Variants in HEBP1 observed in about 807,000 individuals in gnomAD.
HEBP1 encodes heme-binding protein 1.
HEBP1 carries 13 observed loss-of-function variants against 20.4 expected under a neutral mutation model. That is an observed-to-expected ratio of 0.64 (90% CI 0.42 to 1.01). HEBP1 has a LOEUF of 1.01. Ranked by LOEUF, HEBP1 falls within the 50% of genes least tolerant of loss-of-function variation. The pLI is 0.00. For missense variants in HEBP1, 241 were observed against 247.3 expected (o/e 0.97, Z 0.17); for synonymous variants, 92 against 90.7 (o/e 1.01, Z -0.08).
Position 12,986,057 on chromosome 12 carries a change from T to G in HEBP1, c.398+1095A>C, listed in dbSNP as rs1409523765. ...CCTTAAATGCTGCACCCAAGGTGCA[T>G]CTCCACCCTAGGAAAAGATATTGTT... is the stretch of plus-strand genomic sequence containing the variant. On this transcript the variant is annotated intron_variant, in intron 3 of 3. Coordinates refer to ENST00000014930, the MANE Select transcript of HEBP1 (RefSeq NM_015987.5). This position sits in a 1 kb window ranked among gnomAD's most constrained non-coding sequence, Gnocchi z 4.3. 1 of 152,152 alleles carries G rather than the reference T, an allele frequency of 6.6e-6. No individual in the cohort carries two copies. The allele number at this position is 152,152 out of a possible 1,614,324, so 9.4% of individuals were successfully genotyped here.
At chr12:12,979,366 A>G (rs1864044565) in intron 3 of HEBP1, 1 of 152,548 alleles carries the variant, frequency 6.6e-6, no homozygotes, top group African/African-American at 2.4e-5. Context: ...TGGGTGGGCT[A>G]TGGGAACAGA....
intron 3 of HEBP1, among the ~76,000 whole-genome samples, chr12:12,981,318 T>C (rs574116581): frequency 1.0e-3 from 159 of 152,270 alleles, no homozygotes; most frequent in Admixed American, 2.9e-3. Context: ...TGATGCCTCC[T>C]GGGAGCTGGA....
At chr12:12,982,608 G>C (rs910268190) in intron 3 of HEBP1, among the ~76,000 whole-genome samples, 16 of 152,202 alleles carry the variant, frequency 1.1e-4, no homozygotes, top group African/African-American at 3.6e-4. Flanking sequence ...CAGCAACCTA[G>C]GTGCTGACAG....
chr12:12,994,536 C>T (rs1864268423), intron 1 of HEBP1, among the ~76,000 whole-genome samples: 1 of 152,160 alleles, frequency 6.6e-6, no homozygotes, highest in South Asian at 2.1e-4. Context: ...GCACAAAGTC[C>T]ACAGCAAGGA....
At chr12:12,983,989 G>A in intron 3 of HEBP1, 2 of 284,936 alleles carry the variant, frequency 7.0e-6, no homozygotes, top group Non-Finnish European at 1.4e-5. Context: ...CCAACAGTGG[G>A]GCAATTAGAG....
chr12:12,990,322 C>A (rs752325789), intron 1 of HEBP1, among the ~76,000 whole-genome samples: 1 of 149,628 alleles, frequency 6.7e-6, no homozygotes, highest in East Asian at 2.0e-4. Flanking sequence ...GTGCATACCA[C>A]CATGCCCTGC....
At chr12:12,991,775 G>C (rs1402613877) in intron 1 of HEBP1, among the ~76,000 whole-genome samples, 1 of 150,932 alleles carries the variant, frequency 6.6e-6, no homozygotes, top group Non-Finnish European at 1.5e-5. Flanking sequence ...CTTTTTTTTT[G>C]TTCCTTCCCC....
In HEBP1 at chr12:12,985,192, T is replaced by C. The variant is rs530528914; in HGVS notation, c.398+1960A>G. ...GGGGAAATCTGAGCATTGAATATTTTATATTATAAATTAATGAAGTACTAT... is the reference window on the plus strand; with the variant it reads ...GGGGAAATCTGAGCATTGAATATTTCATATTATAAATTAATGAAGTACTAT... On this transcript the variant is annotated intron_variant, in intron 3 of 3. Coordinates refer to ENST00000014930, the MANE Select transcript of HEBP1 (RefSeq NM_015987.5). Among the ~76,000 whole-genome samples the C allele has an allele frequency of 2.2e-4, 33 of 152,258 alleles. No individual in the cohort carries two copies. The East Asian group carries it at 6.0e-3, about 28-fold the overall frequency.
At chr12:12,995,682 A>G (rs544318414) in intron 1 of HEBP1, among the ~76,000 whole-genome samples, 5 of 152,358 alleles carry the variant, frequency 3.3e-5, no homozygotes, top group Admixed American at 2.0e-4. Context: ...AGGGAGCTCT[A>G]TTTAAATGTA....
Position 12,986,932 on chromosome 12 carries a change from A to C in HEBP1, c.398+220T>G. ...AAGCAAAGCTTAAGCTCGTCCCATC[A>C]ATTTGGCAACTGGCCAAGGCATTTA... On this transcript the variant is annotated intron_variant, in intron 3 of 3. Transcript: ENST00000014930. The surrounding 1 kb of genome is among the most constrained non-coding windows in gnomAD (Gnocchi z 4.3). 1 of 523,458 alleles carries C rather than the reference A, an allele frequency of 1.9e-6. No homozygotes were observed. Among genetic ancestry groups the C allele is most frequent in the Non-Finnish European group, 3.4e-6 (1 of 294,178 alleles). The allele number at this position is 523,458 out of a possible 1,614,324, so 32.4% of individuals were successfully genotyped here. A position where few individuals can be genotyped will look rare whatever the true frequency, so the allele number is the denominator to read the frequency against.
chr12:12,987,253 T>G lies in HEBP1; in HGVS notation c.297A>C (p.Lys99Asn). ...NEDGSLQKKLKVWFRIPNQFQ... is the reference protein window; with the variant it reads ...NEDGSLQKKLNVWFRIPNQFQ... ...ATTGGTTTGGAATCCGGAACCAGAC[T>G]TTTAATTTCTTCTGCAGAGAGCCAT... Residue 99 changes from lysine to asparagine, a missense_variant, in exon 3 of 4, where the codon AAA becomes AAC. Coordinates refer to ENST00000014930, the MANE Select transcript of HEBP1 (RefSeq NM_015987.5). 1 of 1,614,104 alleles carries G rather than the reference T, an allele frequency of 6.2e-7. No individual in the cohort carries two copies. The highest frequency in any genetic ancestry group is 8.5e-7 in the Non-Finnish European group (1 of 1,179,990).
chr12:12,990,130 ACACACACAC>A (rs1175216508), intron 1 of HEBP1, among the ~76,000 whole-genome samples: 1 of 140,348 alleles, frequency 7.1e-6, no homozygotes, highest in African/African-American at 3.2e-5. Flanking sequence ...ACACACACAC[ACACACACAC>A]ACACACACAC....
intron 1 of HEBP1, among the ~76,000 whole-genome samples, chr12:12,993,150 C>T (rs1333443525): frequency 5.3e-5 from 1 of 18,914 alleles, no homozygotes; most frequent in African/African-American, 6.7e-5. Context: ...TCCCTCCCTT[C>T]CTTCCTTCCT....
chr12:12,990,159 C>A (rs1296792013), intron 1 of HEBP1, among the ~76,000 whole-genome samples: 2 of 132,792 alleles, frequency 1.5e-5, no homozygotes, highest in African/African-American at 5.2e-5. Context: ...CAAACACACA[C>A]ACATGTATTT....
At chr12:12,978,201 T>C (rs1168470770) in intron 3 of HEBP1, among the ~76,000 whole-genome samples, 37 of 35,642 alleles carry the variant, frequency 1.0e-3, no homozygotes, top group African/African-American at 2.3e-3. Flanking sequence ...ACGAAAGGGT[T>C]TTTTTTTTTT....
At position 12,995,301 on chromosome 12, in the gene HEBP1, C is replaced by T. The variant is rs1352367223; in HGVS notation, c.78+4736G>A. ...AAATGATGTGTTAAACTCCCACCTC[C>T]ACCCACAAGCCCCACAGGGTAAGGA... is the stretch of plus-strand genomic sequence containing the variant. On this transcript the variant is annotated intron_variant, in intron 1 of 3. Coordinates refer to ENST00000014930, the MANE Select transcript of HEBP1 (RefSeq NM_015987.5). 2.0e-5 allele frequency among the ~76,000 whole-genome samples: 3 copies of T among 152,188 alleles called. No homozygotes were observed. The East Asian group carries it at 5.8e-4, about 29-fold the overall frequency.
intron 3 of HEBP1, among the ~76,000 whole-genome samples, chr12:12,977,254 T>C (rs542608941): frequency 1.8e-4 from 28 of 152,324 alleles, no homozygotes; most frequent in African/African-American, 6.7e-4. Context: ...CGAAGGCTAC[T>C]GTAAAGATTA....
chr12:12,992,145 T>C (rs575876057), intron 1 of HEBP1, among the ~76,000 whole-genome samples: 41 of 152,268 alleles, frequency 2.7e-4, no homozygotes, highest in South Asian at 8.3e-4. Flanking sequence ...AAGGTGTCTC[T>C]GGAGGAAGGC....
At chr12:12,995,187 C>T (rs1864275658) in intron 1 of HEBP1, among the ~76,000 whole-genome samples, 2 of 152,196 alleles carry the variant, frequency 1.3e-5, no homozygotes, top group Admixed American at 1.3e-4. Flanking sequence ...GTTACTTCCT[C>T]AGAGAGGATC....
Sources: allele counts gnomAD v4.1 joint callset (sites outside exome capture counted in the v4.1 genomes callset), GRCh38; gene constraint gnomAD v4.1.1; non-coding constraint Gnocchi (gnomAD v3.1); transcripts MANE v1.5; gene names NCBI Gene and HGNC (gene_info 2026-07-23, HGNC 2026-07-21).